HOXD13: variants seen among roughly 807,000 people sequenced by gnomAD.
The protein encoded by HOXD13 is homeobox D13, also known as homeobox protein Hox-D13.
In HOXD13, 16 loss-of-function variants were observed where a neutral mutation model predicts 27.3. The ratio of observed to expected loss-of-function variants is 0.59; its 90% CI spans 0.40 to 0.89. The LOEUF (loss-of-function observed/expected upper bound fraction) is 0.89. Among genes scored for constraint, HOXD13 ranks in the 40% least tolerant of loss-of-function variants. The pLI, the probability that HOXD13 is intolerant of heterozygous loss-of-function variation, is 0.00. For missense variants in HOXD13, 481 were observed against 482.6 expected (o/e 1.00, Z 0.03); for synonymous variants, 241 against 219.0 (o/e 1.10, Z -0.89).
At chr2:176,089,492 TC>T (rs1346200840), upstream of HOXD13, among the ~76,000 whole-genome samples, 1 of 152,226 alleles carries the variant, frequency 6.6e-6, no homozygotes, top group Admixed American at 6.5e-5. Flanking sequence ...TCTGATAGAA[TC>T]CTGTGATCCT....
Position 176,094,599 on chromosome 2 carries a change from A to G in HOXD13, c.901A>G (p.Ile301Val). The stretch of plus-strand genomic sequence containing the variant: ...GAACGAGTATGCCATTAACAAATTC[A>G]TTAACAAGGACAAGCGGCGGCGTAT... ...LENEYAINKF[I>V]NKDKRRRISA... The change falls in exon 2 of 2, where the codon ATT becomes GTT. Residue 301 changes from isoleucine (I) to valine (V), a missense_variant. Transcript: ENST00000392539. 3.7e-6 allele frequency: 6 copies of G among 1,614,186 alleles called. No individual in the cohort carries two copies. Among genetic ancestry groups the G allele is most frequent in the Non-Finnish European group, 4.2e-6 (5 of 1,180,022 alleles).
Position 176,095,748 on chromosome 2 carries a change from G to C in HOXD13, c.*1018G>C, listed in dbSNP as rs2105380664. 4.5e-6 allele frequency: 1 copy of C among 222,692 alleles called. No individual in the cohort carries two copies. The highest frequency in any genetic ancestry group is 1.4e-3 in the Middle Eastern group (1 of 732). The allele number at this position is 222,692 out of a possible 1,614,324, so 13.8% of individuals were successfully genotyped here. On this transcript the variant is annotated 3_prime_UTR_variant, in exon 2 of 2. Transcript: ENST00000392539. Reference sequence around the variant, plus strand: ...AAAAATGTGAAGTTCCAAGGTCCAAGAAGAAAAATAATGATGTTTCTGAAA... The same window carrying C: ...AAAAATGTGAAGTTCCAAGGTCCAACAAGAAAAATAATGATGTTTCTGAAA...
upstream of HOXD13, among the ~76,000 whole-genome samples, chr2:176,088,455 G>A (rs543043092): frequency 5.3e-5 from 8 of 152,310 alleles, no homozygotes; most frequent in Admixed American, 2.0e-4. Context: ...GCCCTCAGAC[G>A]CCACGGGAAA....
At position 176,094,637 on chromosome 2, in the gene HOXD13, G is replaced by C. The variant is rs150319624; in HGVS notation, c.939G>C (p.Thr313=). ...AGCGGCGGCGTATCTCGGCTGCTAC[G>C]AACCTATCTGAGAGACAAGTGACCA... ...KDKRRRISAA[T]NLSERQVTIW... Residue 313 remains threonine, a synonymous_variant, in exon 2 of 2, where the codon ACG becomes ACC. Transcript: ENST00000392539. The C allele has an allele frequency of 6.2e-7, 1 of 1,613,872 alleles. No individual in the cohort carries two copies. Among genetic ancestry groups the C allele is most frequent in the Non-Finnish European group, 8.5e-7 (1 of 1,179,800 alleles).
rs889990505 is a variant in HOXD13 at position 176,093,038 on chromosome 2, G to T, written c.148G>T (p.Ala50Ser). The T allele has an allele frequency of 5.1e-6, 7 of 1,383,560 alleles. No individual in the cohort carries two copies. In the African/African-American group the frequency reaches 7.6e-5, roughly 15 times the overall value. The allele number at this position is 1,383,560 out of a possible 1,614,324, so 85.7% of individuals were successfully genotyped here. Reference sequence around the variant, plus strand: ...CGGCTTTCTCTCCGCGCCTGTGTTCGCCGGGACGCATTCGGGGCGGGCGGC... The same window carrying T: ...CGGCTTTCTCTCCGCGCCTGTGTTCTCCGGGACGCATTCGGGGCGGGCGGC... ...CRGFLSAPVF[A>S]GTHSGRAAAA... Residue 50 changes from alanine (A) to serine (S), a missense_variant, in exon 1 of 2, where the codon GCC (alanine) becomes TCC (serine). Physicochemically the swap from Ala to Ser is moderately conservative, Grantham distance 99. Transcript: ENST00000392539.
chr2:176,092,921 G>A lies in HOXD13; in HGVS notation c.31G>A (p.Gly11Arg). 7.6e-7 allele frequency: 1 copy of A among 1,320,628 alleles called. No homozygotes were observed. Among genetic ancestry groups the A allele is most frequent in the South Asian group, 2.1e-5 (1 of 48,750 alleles). 81.8% of individuals were successfully genotyped at this position (1,320,628 alleles called of 1,614,324 possible). A position where few individuals can be genotyped will look rare whatever the true frequency, so the allele number is the denominator to read the frequency against. MSRAGSWDMD[G>R]LRADGGGAGG... ...CCGCGCCGGGAGCTGGGACATGGACGGGCTGCGGGCAGACGGCGGGGGCGC... is the reference window on the plus strand; with the variant it reads ...CCGCGCCGGGAGCTGGGACATGGACAGGCTGCGGGCAGACGGCGGGGGCGC... Residue 11 changes from glycine to arginine, a missense_variant, in exon 1 of 2, where the codon GGG (glycine) becomes AGG (arginine). Transcript: ENST00000392539.
Position 176,095,553 on chromosome 2 carries a change from T to C in HOXD13, c.*823T>C, listed in dbSNP as rs150914949. On this transcript the variant is annotated 3_prime_UTR_variant, in exon 2 of 2. Coordinates refer to ENST00000392539, the MANE Select transcript of HOXD13 (RefSeq NM_000523.4). ...GCGGATGGCATAAATGCACCTCCTT[T>C]TCTTGGCCTTGGATCTATGGGTCTG... 1.2e-3 allele frequency: 280 copies of C among 228,962 alleles called. No individual in the cohort carries two copies. The highest frequency in any genetic ancestry group is 5.4e-3 in the African/African-American group (243 of 45,146). 14.2% of individuals were successfully genotyped at this position (228,962 alleles called of 1,614,324 possible).
At chr2:176,089,881 C>A (rs996313975), upstream of HOXD13, among the ~76,000 whole-genome samples, 2 of 152,026 alleles carry the variant, frequency 1.3e-5, no homozygotes, top group Admixed American at 6.5e-5. Flanking sequence ...CTTAACAAAG[C>A]CTATTTCTGT....
At chr2:176,094,400 C>CAA in intron 1 of HOXD13, 80 bp from the exon 2 acceptor site, 7 of 1,535,164 alleles carry the variant, frequency 4.6e-6, no homozygotes, top group Non-Finnish European at 6.3e-6. Context: ...CACACACACA[C>CAA]ACACACACAC....
chr2:176,089,429 C>T (rs565224498), upstream of HOXD13, among the ~76,000 whole-genome samples: 65 of 152,322 alleles, frequency 4.3e-4, no homozygotes, highest in Non-Finnish European at 8.1e-4. Flanking sequence ...TCCTGCACTT[C>T]CTGATCTTGG....
intron 1 of HOXD13, 70 bp from the exon 2 acceptor site, chr2:176,094,410 C>CAA (rs1363503487): frequency 1.3e-6 from 2 of 1,578,414 alleles, no homozygotes; most frequent in African/African-American, 2.7e-5. Flanking sequence ...CACACACACA[C>CAA]ACACACAATC....
chr2:176,093,536 G>A lies in HOXD13; in HGVS notation c.646G>A (p.Gly216Arg). 6.2e-7 allele frequency: 1 copy of A among 1,613,938 alleles called. No homozygotes were observed. The highest frequency in any genetic ancestry group is 1.1e-5 in the South Asian group (1 of 91,088). The change falls in exon 1 of 2, where the codon GGG becomes AGG. Residue 216 changes from glycine to arginine, a missense_variant. Coordinates refer to ENST00000392539, the MANE Select transcript of HOXD13 (RefSeq NM_000523.4). ...CGACATGGTGTCCACTTTCGGCTCC[G>A]GGGAGCCTCGGCACGAGGCCTACAT... ...YIDMVSTFGS[G>R]EPRHEAYISM...
upstream of HOXD13, among the ~76,000 whole-genome samples, chr2:176,087,753 G>A (rs964511208): frequency 6.6e-6 from 1 of 152,194 alleles, no homozygotes; most frequent in Non-Finnish European, 1.5e-5. Context: ...GCATGCTTTG[G>A]CAGAAATTTT....
chr2:176,089,895 TA>T (rs1301837237), upstream of HOXD13, among the ~76,000 whole-genome samples: 1 of 152,200 alleles, frequency 6.6e-6, no homozygotes, highest in African/African-American at 2.4e-5. Flanking sequence ...TTTCTGTTGT[TA>T]AAAACCCCTG....
rs759224337 is a variant in HOXD13 at position 176,093,241 on chromosome 2, A to T, written c.351A>T (p.Ala117=). 6.2e-7 allele frequency: 1 copy of T among 1,609,260 alleles called. No homozygotes were observed. Among genetic ancestry groups the T allele is most frequent in the South Asian group, 1.1e-5 (1 of 90,964 alleles). ...CPAPTPAAAA[A]APPSAPALGY... ...CACCCACGCCTGCAGCGGCCGCTGC[A>T]GCGCCCCCGAGCGCTCCAGCGCTGG... The change falls in exon 1 of 2, where the codon GCA becomes GCT. Residue 117 remains alanine, a synonymous_variant. Transcript: ENST00000392539.
chr2:176,088,418 G>A (rs1290148893), upstream of HOXD13, among the ~76,000 whole-genome samples: 1 of 152,222 alleles, frequency 6.6e-6, no homozygotes, highest in East Asian at 1.9e-4. Context: ...GGTCTACGCA[G>A]ACCCATCGCC....
chr2:176,089,609 C>T (rs1689292171), upstream of HOXD13, among the ~76,000 whole-genome samples: 2 of 152,216 alleles, frequency 1.3e-5, no homozygotes, highest in South Asian at 2.1e-4. Flanking sequence ...CCCATTCCCC[C>T]AAACCAGGAC....
intron 1 of HOXD13, among the ~76,000 whole-genome samples, 193 bp downstream of exon 1, chr2:176,093,864 T>C (rs942896951): frequency 6.6e-6 from 1 of 152,214 alleles, no homozygotes; most frequent in African/African-American, 2.4e-5. Context: ...TTCAACTGCC[T>C]CCGTCACTGC....
rs1465747551 is a variant in HOXD13, at chr2:176,092,886, G to A, written c.-5G>A. Reference sequence around the variant, plus strand: ...GCCAGGGCCGGGGCCGGGCCAGGCCGGGCCATGAGCCGCGCCGGGAGCTGG... The same window carrying A: ...GCCAGGGCCGGGGCCGGGCCAGGCCAGGCCATGAGCCGCGCCGGGAGCTGG... On this transcript the variant is annotated 5_prime_UTR_variant, in exon 1 of 2. Coordinates refer to ENST00000392539, the MANE Select transcript of HOXD13 (RefSeq NM_000523.4). The A allele has an allele frequency of 1.6e-6, 2 of 1,255,224 alleles. No homozygotes were observed. Among genetic ancestry groups the A allele is most frequent in the East Asian group, 6.6e-5 (2 of 30,440 alleles). 77.8% of individuals were successfully genotyped at this position (1,255,224 alleles called of 1,614,324 possible). A position where few individuals can be genotyped will look rare whatever the true frequency, so the allele number is the denominator to read the frequency against.
Sources: allele counts gnomAD v4.1 joint callset (sites outside exome capture counted in the v4.1 genomes callset), GRCh38; gene constraint gnomAD v4.1.1; transcripts MANE v1.5; gene names NCBI Gene and HGNC (gene_info 2026-07-23, HGNC 2026-07-21).